Variants in PPP2R2A observed in about 807,000 individuals in gnomAD.
The protein encoded by PPP2R2A is protein phosphatase 2 regulatory subunit Balpha, also known as serine/threonine-protein phosphatase 2A 55 kDa regulatory subunit B alpha isoform.
In PPP2R2A, 9 loss-of-function variants were observed where a neutral mutation model predicts 53.2. The observed-to-expected ratio is 0.17, with a 90% CI of 0.10 to 0.30. PPP2R2A has a LOEUF of 0.30. Ranked by LOEUF, PPP2R2A falls within the 10% of genes least tolerant of loss-of-function variation. The pLI is 1.00. For synonymous variants in PPP2R2A, 169 were observed against 174.2 expected (o/e 0.97, Z 0.23); for missense variants, 235 against 534.6 (o/e 0.44, Z 5.53).
intron 2 of PPP2R2A, among the ~76,000 whole-genome samples, chr8:26,331,634 C>G (rs988298698): frequency 6.6e-6 from 1 of 152,154 alleles, no homozygotes; most frequent in African/African-American, 2.4e-5. Flanking sequence ...GCCAGCTTGA[C>G]GAGAGCATTT....
chr8:26,315,157 A>G (rs1410488712), intron 2 of PPP2R2A, among the ~76,000 whole-genome samples: 1 of 151,280 alleles, frequency 6.6e-6, no homozygotes, highest in African/African-American at 2.4e-5. Context: ...CTTTTTTCTT[A>G]TTCATATTGG....
intron 8 of PPP2R2A, chr8:26,365,202 A>T (rs1382854883): frequency 6.6e-6 from 1 of 152,240 alleles, no homozygotes; most frequent in African/African-American, 2.4e-5. Flanking sequence ...AAAAGTAGTC[A>T]CATTATAGGC....
rs1195478461 is a variant in PPP2R2A, at chr8:26,291,712, C to T, written c.-108C>T. The T allele has an allele frequency of 5.5e-6, 5 of 910,354 alleles. No individual in the cohort carries two copies. The South Asian group carries it at 8.0e-5, about 14-fold the overall frequency. The allele number at this position is 910,354 out of a possible 1,614,324, so 56.4% of individuals were successfully genotyped here. Reference sequence around the variant, plus strand: ...CCCCGTCCCCTCCCCCCGCAGGTGCCATCCGCCGCCATCCGCCCTCTCTAC... The same window carrying T: ...CCCCGTCCCCTCCCCCCGCAGGTGCTATCCGCCGCCATCCGCCCTCTCTAC... On this transcript the variant is annotated 5_prime_UTR_variant, in exon 1 of 10. Transcript: ENST00000380737.
Position 26,370,441 on chromosome 8 carries a change from C to G in PPP2R2A, c.*28C>G, listed in dbSNP as rs554125616. 1 of 1,605,954 alleles carries G rather than the reference C, an allele frequency of 6.2e-7. No individual in the cohort carries two copies. Among genetic ancestry groups the G allele is most frequent in the Non-Finnish European group, 8.5e-7 (1 of 1,173,720 alleles). ...TTGGCATTCCTAGCAGAAGAACCCA[C>G]TTCCTGCTTAGTTGAGATAGTTGAA... is the stretch of plus-strand genomic sequence containing the variant. On this transcript the variant is annotated 3_prime_UTR_variant, in exon 10 of 10. Coordinates refer to ENST00000380737, the MANE Select transcript of PPP2R2A (RefSeq NM_002717.4). The surrounding 1 kb of genome is among the most constrained non-coding windows in gnomAD (Gnocchi z 6.1).
chr8:26,297,271 G>A (rs1235590895), intron 2 of PPP2R2A, among the ~76,000 whole-genome samples: 1 of 151,990 alleles, frequency 6.6e-6, no homozygotes, highest in Non-Finnish European at 1.5e-5. Context: ...CGCCATGTCC[G>A]GCTCATTTTT....
intron 2 of PPP2R2A, among the ~76,000 whole-genome samples, chr8:26,296,841 A>G (rs1801563591): frequency 6.6e-6 from 1 of 152,222 alleles, no homozygotes; most frequent in African/African-American, 2.4e-5. Flanking sequence ...GCTTTTTAAA[A>G]TAAAAATTTA....
At chr8:26,339,554 A>G (rs1803838415) in intron 3 of PPP2R2A, among the ~76,000 whole-genome samples, 3 of 152,126 alleles carry the variant, frequency 2.0e-5, no homozygotes, top group East Asian at 1.9e-4. Context: ...CGGTAATTAA[A>G]GTGGGCTTTT....
At chr8:26,356,739 G>A (rs974923479) in intron 4 of PPP2R2A, among the ~76,000 whole-genome samples, 1 of 151,898 alleles carries the variant, frequency 6.6e-6, no homozygotes, top group Non-Finnish European at 1.5e-5. Flanking sequence ...TTTCTTATAG[G>A]GCTACATCAG....
At chr8:26,356,796 A>G (rs1417203659) in intron 4 of PPP2R2A, among the ~76,000 whole-genome samples, 2 of 152,186 alleles carry the variant, frequency 1.3e-5, no homozygotes, top group Non-Finnish European at 2.9e-5. Context: ...GTTCAAGAGA[A>G]TAGTATAGTG....
chr8:26,366,308 C>G lies in PPP2R2A; in HGVS notation c.973-7C>G, dbSNP rs752287040. 1 of 1,587,518 alleles carries G rather than the reference C, an allele frequency of 6.3e-7. No homozygotes were observed. Among genetic ancestry groups the G allele is most frequent in the Non-Finnish European group, 8.6e-7 (1 of 1,168,466 alleles). ...TTCAGTGCAGTATATTTGTATTTTTCCCCCAGGTGCATGAATACCTCAGAA... is the reference window on the plus strand; with the variant it reads ...TTCAGTGCAGTATATTTGTATTTTTGCCCCAGGTGCATGAATACCTCAGAA... On this transcript the variant is annotated splice_polypyrimidine_tract_variant and splice_region_variant and intron_variant, in intron 8 of 9. Transcript: ENST00000380737.
intron 2 of PPP2R2A, among the ~76,000 whole-genome samples, chr8:26,297,056 TC>T (rs1801574627): frequency 1.3e-5 from 2 of 152,198 alleles, no homozygotes; most frequent in African/African-American, 4.8e-5. Context: ...TTTCTGCTCT[TC>T]CTTGTACTTT....
rs193236489 is a variant in PPP2R2A at position 26,296,497 on chromosome 8, C to T, written c.82+2757C>T. Reference sequence around the variant, plus strand: ...AGGATCCTGCTCATCTCTCAAGTCACGCCTTTAACCTTTTTGCTAATTTCC... The same window carrying T: ...AGGATCCTGCTCATCTCTCAAGTCATGCCTTTAACCTTTTTGCTAATTTCC... On this transcript the variant is annotated intron_variant, in intron 2 of 9. Coordinates refer to ENST00000380737, the MANE Select transcript of PPP2R2A (RefSeq NM_002717.4). 4.9e-4 allele frequency among the ~76,000 whole-genome samples: 75 copies of T among 152,330 alleles called. 1 individual carries two copies. The South Asian group carries it at 0.013, about 27-fold the overall frequency.
intron 2 of PPP2R2A, among the ~76,000 whole-genome samples, chr8:26,331,927 T>G (rs893665380): frequency 1.3e-5 from 2 of 152,244 alleles, no homozygotes; most frequent in African/African-American, 4.8e-5. Flanking sequence ...CCTTTTAAAT[T>G]GTTACTATTT....
chr8:26,355,406 A>AT (rs1324510732), intron 4 of PPP2R2A, among the ~76,000 whole-genome samples: 10 of 152,088 alleles, frequency 6.6e-5, no homozygotes, highest in Non-Finnish European at 1.2e-4. Context: ...CACCCGGCTA[A>AT]TTTTTTAAAA....
In PPP2R2A at chr8:26,360,263, T is replaced by G. The variant is rs1429737107; in HGVS notation, c.441T>G (p.Thr147=). ...AGGATGGAAGGTATAGAGATCCTAC[T>G]ACAGTTACTACACTACGAGTAAGTA... ...KEEDGRYRDP[T]TVTTLRVPVF... is the part of the protein sequence containing the mutation. Residue 147 remains threonine, a synonymous_variant, in exon 5 of 10, where the codon ACT becomes ACG. Transcript: ENST00000380737. This position sits in a 1 kb window ranked among gnomAD's most constrained non-coding sequence, Gnocchi z 4.5. 1.9e-6 allele frequency: 3 copies of G among 1,596,550 alleles called. No homozygotes were observed. The highest frequency in any genetic ancestry group is 2.6e-6 in the Non-Finnish European group (3 of 1,166,298).
At chr8:26,363,594 GTTCT>G in intron 7 of PPP2R2A, 123 bp from the exon 8 acceptor site, 2 of 810,694 alleles carry the variant, frequency 2.5e-6, no homozygotes, top group Non-Finnish European at 3.5e-6. Flanking sequence ...ATGTTTTTCA[GTTCT>G]TTATTAGCCT....
At chr8:26,348,553 GATA>G (rs1804337928) in intron 3 of PPP2R2A, among the ~76,000 whole-genome samples, 1 of 152,122 alleles carries the variant, frequency 6.6e-6, no homozygotes, top group South Asian at 2.1e-4. Flanking sequence ...CCCTCCCTAA[GATA>G]ATATCATGAA....
chr8:26,295,515 C>T (rs761578918), intron 2 of PPP2R2A, among the ~76,000 whole-genome samples: 1 of 152,122 alleles, frequency 6.6e-6, no homozygotes, highest in Non-Finnish European at 1.5e-5. Flanking sequence ...AAAACAAAGT[C>T]AAAGTTTTCA....
chr8:26,353,072 G>A (rs1252854263), intron 3 of PPP2R2A, among the ~76,000 whole-genome samples: 1 of 149,396 alleles, frequency 6.7e-6, no homozygotes, highest in Non-Finnish European at 1.5e-5. Context: ...AGACTATAAT[G>A]ATAAATTTTG....
Sources: gnomAD v4.1 joint callset for allele counts (sites outside exome capture counted in the v4.1 genomes callset) on GRCh38, gnomAD v4.1.1 for gene constraint, Gnocchi (gnomAD v3.1) non-coding constraint, MANE v1.5 for transcripts, NCBI Gene and HGNC (gene_info 2026-07-23, HGNC 2026-07-21) for gene names.